The following IRAK2 variants were observed in gnomAD, a reference collection of about 807,000 sequenced individuals.
IRAK2 encodes interleukin-1 receptor-associated kinase-like 2.
IRAK2 carries 57 observed loss-of-function variants against 72.0 expected under a neutral mutation model. The ratio of observed to expected loss-of-function variants is 0.79; its 90% CI spans 0.64 to 0.99. The LOEUF (loss-of-function observed/expected upper bound fraction) is 0.99. Ranked by LOEUF, IRAK2 falls within the 50% of genes least tolerant of loss-of-function variation. IRAK2 has a pLI of 0.00. For missense variants in IRAK2, 790 were observed against 794.4 expected, an observed-to-expected ratio of 0.99 and a Z score of 0.07; for synonymous variants, 293 against 312.7, an observed-to-expected ratio of 0.94 and a Z score of 0.67.
At chr3:10,169,438 C>T (rs143780399) in intron 1 of IRAK2, among the ~76,000 whole-genome samples, 1 of 152,138 alleles carries the variant, frequency 6.6e-6, no homozygotes, top group Non-Finnish European at 1.5e-5. Context: ...TATAGACCTA[C>T]CCCGGGAATG....
chr3:10,177,960 C>A lies in IRAK2; in HGVS notation c.217C>A (p.Gln73Lys). 6.2e-7 allele frequency: 1 copy of A among 1,613,802 alleles called. No individual in the cohort carries two copies. The highest frequency in any genetic ancestry group is 8.5e-7 in the Non-Finnish European group (1 of 1,180,032). ...WWGMRQATVQ[Q>K]LVDLLCRLEL... ...GGGCATGCGGCAGGCCACCGTCCAG[C>A]AACTTGTGGACCTCCTGTGCCGCCT... Residue 73 changes from glutamine to lysine, a missense_variant, in exon 2 of 13, where the codon CAA becomes AAA. Coordinates refer to ENST00000256458, the MANE Select transcript of IRAK2 (RefSeq NM_001570.4).
intron 11 of IRAK2, among the ~76,000 whole-genome samples, chr3:10,237,828 AAG>A (rs1697989894): frequency 6.6e-6 from 1 of 151,054 alleles, no homozygotes; most frequent in Admixed American, 6.6e-5. Flanking sequence ...AAAAAAAAGA[AAG>A]AAAGAAATGG....
chr3:10,232,391 C>T (rs1697874698), intron 10 of IRAK2, among the ~76,000 whole-genome samples: 1 of 152,180 alleles, frequency 6.6e-6, no homozygotes, highest in Non-Finnish European at 1.5e-5. Context: ...TTCCTGGAGG[C>T]GCTGTGAGCC....
In IRAK2 at chr3:10,213,218, C is replaced by A. The variant is rs774750085; in HGVS notation, c.540C>A (p.Thr180=). ...CTCTGGGTCTCCAGGACTTCAGCAC[C>A]TCCATTCCTAAGCAGGAAAAACTTT... ...PTSSDSKDFS[T]SIPKQEKLLS... The change falls in exon 5 of 13, where the codon ACC becomes ACA. Residue 180 remains threonine, a synonymous_variant. Transcript: ENST00000256458. The A allele has an allele frequency of 1.2e-6, 2 of 1,613,966 alleles. No homozygotes were observed. The highest frequency in any genetic ancestry group is 1.7e-6 in the Non-Finnish European group (2 of 1,179,994).
At chr3:10,233,973 C>T (rs944515809) in intron 10 of IRAK2, among the ~76,000 whole-genome samples, 2 of 152,116 alleles carry the variant, frequency 1.3e-5, no homozygotes, top group Non-Finnish European at 2.9e-5. Flanking sequence ...AGCAATTCCT[C>T]TGCCTCAGCC....
chr3:10,183,625 G>A (rs1177877615), intron 2 of IRAK2, among the ~76,000 whole-genome samples: 1 of 152,180 alleles, frequency 6.6e-6, no homozygotes, highest in Admixed American at 6.6e-5. Flanking sequence ...GGAGGCTGAG[G>A]CAGGAGAGTG....
rs371120659 is a variant in IRAK2, at chr3:10,216,921, C to T, written c.789-13C>T. The T allele has an allele frequency of 1.1e-4, 177 of 1,600,248 alleles. No individual in the cohort carries two copies. The African/African-American group carries it at 1.8e-3, about 16-fold the overall frequency. ...GTCTGACTCCTCACACCTGCACTGA[C>T]GCCCGATTCCAGATGCTGCCACCCC... is the stretch of plus-strand genomic sequence containing the variant. On this transcript the variant is annotated splice_polypyrimidine_tract_variant and intron_variant, in intron 6 of 12. Transcript: ENST00000256458.
At position 10,217,046 on chromosome 3, in the gene IRAK2, C is replaced by G; in HGVS notation, c.901C>G (p.Gln301Glu). 1 of 1,600,392 alleles carries G rather than the reference C, an allele frequency of 6.2e-7. No homozygotes were observed. Among genetic ancestry groups the G allele is most frequent in the Non-Finnish European group, 8.6e-7 (1 of 1,167,540 alleles). Residue 301 changes from glutamine (Q) to glutamate (E), a missense_variant and splice_region_variant, in exon 7 of 13, where the codon CAG becomes GAG. Gln to Glu is a conservative substitution (Grantham distance 29). Coordinates refer to ENST00000256458, the MANE Select transcript of IRAK2 (RefSeq NM_001570.4). The stretch of plus-strand genomic sequence containing the variant: ...TTCCCTACAGGACAGACTGCAGGGT[C>G]AGGTAAGGGACTGGGTCATGGTCAG... ...NGSLQDRLQG[Q>E]GGSDPLPWPQ...
chr3:10,165,550 C>T (rs986361721), intron 1 of IRAK2, among the ~76,000 whole-genome samples: 1 of 151,972 alleles, frequency 6.6e-6, no homozygotes, highest in African/African-American at 2.4e-5. Flanking sequence ...GGCTGGAGTG[C>T]AATGGCACGG....
intron 6 of IRAK2, among the ~76,000 whole-genome samples, chr3:10,215,319 A>G (rs9879979): frequency 1.9e-3 from 287 of 150,718 alleles, no homozygotes; most frequent in African/African-American, 6.7e-3. Context: ...ACTTGAGCCC[A>G]GAAAGTGGAG....
At chr3:10,166,566 G>C (rs1364757455) in intron 1 of IRAK2, among the ~76,000 whole-genome samples, 3 of 152,204 alleles carry the variant, frequency 2.0e-5, no homozygotes, top group Admixed American at 2.0e-4. Context: ...TCATAAAGTT[G>C]TGAGGAATGA....
At position 10,243,732 on chromosome 3, in the gene IRAK2, A is replaced by G. The variant is rs1451172991; in HGVS notation, c.*1504A>G. ...ATTTCTTTTTATATAATAAAAATAT[A>G]TTTGTAAAGTCGACAGACAACTTGT... is the stretch of plus-strand genomic sequence containing the variant. On this transcript the variant is annotated 3_prime_UTR_variant, in exon 13 of 13. Coordinates refer to ENST00000256458, the MANE Select transcript of IRAK2 (RefSeq NM_001570.4). 2 of 152,214 alleles carry G rather than the reference A, an allele frequency of 1.3e-5. No individual in the cohort carries two copies. The highest frequency in any genetic ancestry group is 2.9e-5 in the Non-Finnish European group (2 of 68,032). 9.4% of individuals were successfully genotyped at this position (152,214 alleles called of 1,614,324 possible).
At chr3:10,193,989 C>T (rs376106074) in intron 2 of IRAK2, among the ~76,000 whole-genome samples, 5 of 152,218 alleles carry the variant, frequency 3.3e-5, no homozygotes, top group South Asian at 2.1e-4. Context: ...TTCGGAGGCC[C>T]GAGTTGGGAA....
chr3:10,206,459 C>G (rs1420467860), intron 3 of IRAK2, among the ~76,000 whole-genome samples: 2 of 152,218 alleles, frequency 1.3e-5, no homozygotes, highest in Non-Finnish European at 2.9e-5. Flanking sequence ...TTGACAGGCT[C>G]CAGACCTTGT....
intron 1 of IRAK2, among the ~76,000 whole-genome samples, chr3:10,173,781 C>T (rs1423966531): frequency 6.6e-6 from 1 of 152,006 alleles, no homozygotes; most frequent in Non-Finnish European, 1.5e-5. Context: ...ACTGAGATCA[C>T]GCCACTGCAC....
intron 2 of IRAK2, among the ~76,000 whole-genome samples, chr3:10,192,388 A>G (rs1575964873): frequency 6.6e-6 from 1 of 152,296 alleles, no homozygotes; most frequent in East Asian, 1.9e-4. Flanking sequence ...ACCGTGTGAA[A>G]TGTTCTCAGG....
chr3:10,215,169 T>C (rs1204030942), intron 6 of IRAK2, among the ~76,000 whole-genome samples: 2 of 151,606 alleles, frequency 1.3e-5, no homozygotes, highest in Non-Finnish European at 2.9e-5. Context: ...GGCAGATCAG[T>C]TGAGGTCAGG....
chr3:10,211,385 G>A (rs554041048), intron 4 of IRAK2, among the ~76,000 whole-genome samples: 8 of 80,506 alleles, frequency 9.9e-5, no homozygotes, highest in African/African-American at 3.5e-4. Flanking sequence ...CAGAGGATCC[G>A]CCTGCCTTGG....
At chr3:10,211,691 C>A (rs553786167) in intron 4 of IRAK2, among the ~76,000 whole-genome samples, 1 of 151,872 alleles carries the variant, frequency 6.6e-6, no homozygotes, top group Non-Finnish European at 1.5e-5. Context: ...TCTAATTGGC[C>A]GGAAATACAC....
Sources: allele counts gnomAD v4.1 joint callset (sites outside exome capture counted in the v4.1 genomes callset), GRCh38; gene constraint gnomAD v4.1.1; transcripts MANE v1.5; gene names NCBI Gene and HGNC (gene_info 2026-07-23, HGNC 2026-07-21).